The following NEIL3 variants were observed in gnomAD, a reference collection of about 807,000 sequenced individuals.
NEIL3 encodes the protein endonuclease 8-like 3.
A neutral mutation model predicts 57.5 loss-of-function variants in NEIL3; 48 were observed. The ratio of observed to expected loss-of-function variants is 0.83; its 90% CI spans 0.66 to 1.06. NEIL3 has a LOEUF of 1.06. Among genes scored for constraint, NEIL3 ranks in the 50% least tolerant of loss-of-function variants. NEIL3 has a pLI of 0.00. For missense variants in NEIL3, 717 were observed against 739.1 expected (o/e 0.97, Z 0.35); for synonymous variants, 261 against 253.2 (o/e 1.03, Z -0.29).
chr4:177,369,424 C>T, the NEIL3 span, among the ~76,000 whole-genome samples: 416 of 152,152 alleles, frequency 2.7e-3, 2 homozygotes, highest in Non-Finnish European at 4.7e-3. Context: ...GAATCAATTC[C>T]CATTTCATGG....
chr4:177,359,978 C>A (rs1735575450), intron 8 of NEIL3, among the ~76,000 whole-genome samples: 1 of 152,102 alleles, frequency 6.6e-6, no homozygotes, highest in African/African-American at 2.4e-5. Context: ...ATTATAGTAG[C>A]CTTGATCAAA....
At chr4:177,338,497 T>A (rs1488814311) in intron 4 of NEIL3, among the ~76,000 whole-genome samples, 2 of 152,226 alleles carry the variant, frequency 1.3e-5, no homozygotes, top group Non-Finnish European at 2.9e-5. Flanking sequence ...AAAATCTACA[T>A]GTACGTGGAC....
chr4:177,343,215 G>C (rs991645215), intron 6 of NEIL3: 3 of 152,202 alleles, frequency 2.0e-5, no homozygotes, highest in African/African-American at 7.2e-5. Flanking sequence ...GATGCAGTAT[G>C]TGTTAGATAT....
chr4:177,321,007 T>A (rs1477972325), intron 1 of NEIL3, among the ~76,000 whole-genome samples: 2 of 151,942 alleles, frequency 1.3e-5, no homozygotes, highest in African/African-American at 4.8e-5. Flanking sequence ...TTGAGCTAAG[T>A]ACTGTGATTG....
At chr4:177,327,714 TA>T (rs1310735983) in intron 2 of NEIL3, among the ~76,000 whole-genome samples, 3 of 152,232 alleles carry the variant, frequency 2.0e-5, no homozygotes, top group Non-Finnish European at 4.4e-5. Flanking sequence ...ATATTAGCTT[TA>T]TTTTCTTTTA....
chr4:177,348,445 C>T (rs1735270947), intron 6 of NEIL3, among the ~76,000 whole-genome samples: 1 of 152,124 alleles, frequency 6.6e-6, no homozygotes, highest in African/African-American at 2.4e-5. Context: ...TCAGGTCCTT[C>T]TCCTCAAGCC....
At chr4:177,358,597 A>G (rs908707829) in intron 8 of NEIL3, among the ~76,000 whole-genome samples, 1 of 152,106 alleles carries the variant, frequency 6.6e-6, no homozygotes, top group Non-Finnish European at 1.5e-5. Flanking sequence ...GTGAGCCACC[A>G]TGCCCAGCCT....
chr4:177,368,402 G>C, the NEIL3 span, among the ~76,000 whole-genome samples: 1 of 152,138 alleles, frequency 6.6e-6, no homozygotes, highest in Non-Finnish European at 1.5e-5. Context: ...AAACGAAAAA[G>C]CAAGTGTTCT....
intron 4 of NEIL3, among the ~76,000 whole-genome samples, chr4:177,338,288 C>G (rs1735017533): frequency 1.3e-5 from 2 of 152,098 alleles, no homozygotes; most frequent in African/African-American, 4.8e-5. Context: ...TTTCTTTGTA[C>G]ATGTATGTGT....
intron 2 of NEIL3, among the ~76,000 whole-genome samples, chr4:177,333,058 C>A (rs1173153495): frequency 4.6e-5 from 7 of 151,654 alleles, no homozygotes; most frequent in African/African-American, 1.5e-4. Context: ...AAAACCATAT[C>A]TTTTTACATT....
intron 7 of NEIL3, among the ~76,000 whole-genome samples, chr4:177,351,826 A>G (rs1195899080): frequency 2.0e-5 from 3 of 152,184 alleles, no homozygotes; most frequent in Admixed American, 1.3e-4. Context: ...TACTGTTTCT[A>G]ATGAATTATT....
chr4:177,367,064 T>C (rs1579013898), downstream of NEIL3, among the ~76,000 whole-genome samples: 3 of 152,208 alleles, frequency 2.0e-5, 1 homozygote, highest in Admixed American at 1.3e-4. Context: ...TTTGGGAGCA[T>C]GTATAATTGA....
At chr4:177,350,481 C>T (rs148552869) in intron 6 of NEIL3, among the ~76,000 whole-genome samples, 1 of 152,090 alleles carries the variant, frequency 6.6e-6, no homozygotes, top group African/African-American at 2.4e-5. Flanking sequence ...TTATTGTTTG[C>T]TTGCTAATCT....
In NEIL3 at chr4:177,310,045, C is replaced by T; in HGVS notation, c.92C>T (p.Ala31Val). ...GCGGTGACCGGCGTGCGGGGAAGCG[C>T]TCTGCGGAGTCTGCAGGGCCGCGCC... Reference protein sequence around the residue: ...GQAVTGVRGSALRSLQGRALR... With the variant: ...GQAVTGVRGSVLRSLQGRALR... Residue 31 changes from alanine to valine, a missense_variant, in exon 1 of 10, where the codon GCT becomes GTT. Transcript: ENST00000264596. The T allele has an allele frequency of 6.2e-7, 1 of 1,609,370 alleles. No individual in the cohort carries two copies. Among genetic ancestry groups the T allele is most frequent in the African/African-American group, 1.3e-5 (1 of 74,828 alleles).
At chr4:177,339,538 A>C (rs544679359) in intron 4 of NEIL3, among the ~76,000 whole-genome samples, 98 of 152,304 alleles carry the variant, frequency 6.4e-4, no homozygotes, top group Non-Finnish European at 1.2e-3. Context: ...ATTGCTCCTC[A>C]TCATCATTAC....
intron 6 of NEIL3, among the ~76,000 whole-genome samples, chr4:177,347,841 ATT>A (rs1265500872): frequency 5.9e-5 from 9 of 152,224 alleles, no homozygotes; most frequent in Non-Finnish European, 1.3e-4. Context: ...AACAAATTAT[ATT>A]TTTTAAACAC....
At chr4:177,312,091 T>G (rs889768405) in intron 1 of NEIL3, among the ~76,000 whole-genome samples, 2 of 152,096 alleles carry the variant, frequency 1.3e-5, no homozygotes, top group Admixed American at 6.6e-5. Context: ...TCCTTTTAAG[T>G]TTTGTTGTGA....
intron 2 of NEIL3, among the ~76,000 whole-genome samples, chr4:177,324,020 C>A (rs962318341): frequency 6.6e-6 from 1 of 152,132 alleles, no homozygotes; most frequent in African/African-American, 2.4e-5. Flanking sequence ...TTGGATGTAA[C>A]AATTCAAGGT....
intron 1 of NEIL3, among the ~76,000 whole-genome samples, chr4:177,321,025 A>G (rs547349387): frequency 3.0e-4 from 46 of 152,052 alleles, no homozygotes; most frequent in Non-Finnish European, 5.7e-4. Flanking sequence ...TTGTATCTTA[A>G]CAAAGACCAA....
Sources: gnomAD v4.1 joint callset for allele counts (sites outside exome capture counted in the v4.1 genomes callset) on GRCh38, gnomAD v4.1.1 for gene constraint, MANE v1.5 for transcripts, NCBI Gene and HGNC (gene_info 2026-07-23, HGNC 2026-07-21) for gene names.